The following TTC27 variants were observed in gnomAD, a reference collection of about 807,000 sequenced individuals.
The protein encoded by TTC27 is tetratricopeptide repeat domain 27.
TTC27 carries 79 observed loss-of-function variants against 115.9 expected under a neutral mutation model. The ratio of observed to expected loss-of-function variants is 0.68; its 90% CI spans 0.57 to 0.82. The LOEUF is 0.82. TTC27 is among the 40% of genes least tolerant of loss of function. TTC27 has a pLI of 0.00. For synonymous variants in TTC27, 401 were observed against 356.0 expected, an observed-to-expected ratio of 1.13 and a Z score of -1.42; for missense variants, 1,054 against 993.1, an observed-to-expected ratio of 1.06 and a Z score of -0.82.
chr2:32,640,437 A>T, intron 4 of TTC27, 27 bp downstream of exon 4: 1 of 1,609,400 alleles, frequency 6.2e-7, no homozygotes, highest in Non-Finnish European at 8.5e-7. Context: ...TGAGATTCAT[A>T]CCCTGGTATG....
intron 12 of TTC27, among the ~76,000 whole-genome samples, chr2:32,741,537 A>C (rs6748223): frequency 0.43 from 65,681 of 151,868 alleles, 14,325 homozygotes; most frequent in Non-Finnish European, 0.45. Flanking sequence ...CTGTAGTCCC[A>C]GCTACTTGGG....
At chr2:32,641,082 CA>C (rs1664629454) in intron 4 of TTC27, among the ~76,000 whole-genome samples, 1 of 152,128 alleles carries the variant, frequency 6.6e-6, no homozygotes, top group African/African-American at 2.4e-5. Context: ...GAGCAGTGAC[CA>C]AAATTTAATG....
chr2:32,796,080 T>C (rs1670693568), intron 16 of TTC27, among the ~76,000 whole-genome samples: 1 of 152,184 alleles, frequency 6.6e-6, no homozygotes, highest in South Asian at 2.1e-4. Flanking sequence ...ACGAAAAAGC[T>C]GTTAGAACTA....
chr2:32,646,762 A>C (rs1664879242), intron 4 of TTC27, among the ~76,000 whole-genome samples: 2 of 151,238 alleles, frequency 1.3e-5, no homozygotes, highest in Middle Eastern at 3.4e-3. Context: ...ATGGGATTTC[A>C]TTGTGTTGGC....
At chr2:32,699,543 A>G (rs1361680848) in intron 9 of TTC27, among the ~76,000 whole-genome samples, 1 of 152,204 alleles carries the variant, frequency 6.6e-6, no homozygotes, top group Non-Finnish European at 1.5e-5. Context: ...GCCATTTTCT[A>G]ATAAGTCAAT....
intron 10 of TTC27, among the ~76,000 whole-genome samples, chr2:32,718,981 G>A (rs1431116263): frequency 6.6e-6 from 1 of 152,210 alleles, no homozygotes; most frequent in African/African-American, 2.4e-5. Context: ...GGTGCAAGAA[G>A]GCAGTGTGCT....
At chr2:32,796,201 A>G (rs888719661) in intron 16 of TTC27, among the ~76,000 whole-genome samples, 5 of 152,254 alleles carry the variant, frequency 3.3e-5, no homozygotes, top group Admixed American at 2.0e-4. Flanking sequence ...AAACAATTCC[A>G]TTTACAATAG....
Position 32,720,573 on chromosome 2 carries a change from A to G in TTC27, c.1234-13255A>G, listed in dbSNP as rs1052541800. On this transcript the variant is annotated intron_variant, in intron 10 of 19. Transcript: ENST00000317907. ...GATTACACTGAGGTCAACATAGGGT[A>G]GTAATTCAGTTTGGTTGGTTGTATT... Among the ~76,000 whole-genome samples the G allele has an allele frequency of 4.6e-5, 7 of 152,316 alleles. No homozygotes were observed. The East Asian group carries it at 1.4e-3, about 29-fold the overall frequency.
At chr2:32,673,733 GC>G (rs1666096021) in intron 8 of TTC27, among the ~76,000 whole-genome samples, 2 of 152,100 alleles carry the variant, frequency 1.3e-5, no homozygotes, top group Non-Finnish European at 2.9e-5. Flanking sequence ...GGTGTCTTAT[GC>G]CTGTAATGCC....
intron 12 of TTC27, among the ~76,000 whole-genome samples, chr2:32,741,257 T>C (rs980978211): frequency 6.6e-6 from 1 of 152,218 alleles, no homozygotes; most frequent in Non-Finnish European, 1.5e-5. Context: ...ACCATCCACC[T>C]GTGTACTCCT....
At chr2:32,787,621 G>C (rs1361205285) in intron 16 of TTC27, among the ~76,000 whole-genome samples, 2 of 152,100 alleles carry the variant, frequency 1.3e-5, no homozygotes, top group Non-Finnish European at 2.9e-5. Context: ...GCTGTGTTTG[G>C]TGGAATAAAG....
intron 16 of TTC27, among the ~76,000 whole-genome samples, chr2:32,795,303 G>A (rs1339282684): frequency 6.6e-6 from 1 of 151,704 alleles, no homozygotes; most frequent in Non-Finnish European, 1.5e-5. Flanking sequence ...ATATGAAATA[G>A]ATCAATATAA....
chr2:32,708,326 T>TTTTTTTTTTTTTA (rs1169300608), intron 10 of TTC27, among the ~76,000 whole-genome samples: 3 of 142,250 alleles, frequency 2.1e-5, no homozygotes, highest in African/African-American at 8.0e-5. Context: ...TTTTTTTTTT[T>TTTTTTTTTTTTTA]AATGAGATGG....
At chr2:32,740,890 G>A (rs958777417) in intron 12 of TTC27, among the ~76,000 whole-genome samples, 1 of 152,072 alleles carries the variant, frequency 6.6e-6, no homozygotes, top group South Asian at 2.1e-4. Flanking sequence ...CCTGACCTCA[G>A]GTGATCCGCC....
intron 12 of TTC27, among the ~76,000 whole-genome samples, chr2:32,753,464 GTC>G (rs1401894685): frequency 4.0e-5 from 4 of 100,634 alleles, no homozygotes; most frequent in South Asian, 3.4e-4. Flanking sequence ...TGGAGACAGA[GTC>G]TCTCTCTGTC....
chr2:32,695,114 G>A (rs1666940362), intron 9 of TTC27, among the ~76,000 whole-genome samples: 1 of 152,184 alleles, frequency 6.6e-6, no homozygotes, highest in Admixed American at 6.5e-5. Context: ...TCACAGTGTT[G>A]TGCAACCATC....
At chr2:32,759,986 T>C (rs1669379221) in intron 13 of TTC27, among the ~76,000 whole-genome samples, 1 of 152,228 alleles carries the variant, frequency 6.6e-6, no homozygotes. Context: ...TGTTTACCCA[T>C]TCATCTGTTG....
At chr2:32,686,514 C>G (rs1450806005) in intron 9 of TTC27, among the ~76,000 whole-genome samples, 1 of 152,044 alleles carries the variant, frequency 6.6e-6, no homozygotes, top group African/African-American at 2.4e-5. Context: ...CGTGAACCAC[C>G]ACGCCTAGCT....
At chr2:32,746,420 G>A (rs1006294515) in intron 12 of TTC27, among the ~76,000 whole-genome samples, 56 of 151,832 alleles carry the variant, frequency 3.7e-4, no homozygotes, top group African/African-American at 1.2e-3. Flanking sequence ...AAAATTAGCC[G>A]GGCGTGGCAG....
Sources: allele counts gnomAD v4.1 joint callset (sites outside exome capture counted in the v4.1 genomes callset), GRCh38; gene constraint gnomAD v4.1.1; transcripts MANE v1.5; gene names NCBI Gene and HGNC (gene_info 2026-07-23, HGNC 2026-07-21).